The following TMEM178B variants were observed in gnomAD, a reference collection of about 807,000 sequenced individuals.
The protein encoded by TMEM178B is transmembrane protein 178B.
TMEM178B carries 5 observed loss-of-function variants against 31.0 expected under a neutral mutation model. That is an observed-to-expected ratio of 0.16 (90% CI 0.08 to 0.34). The LOEUF (loss-of-function observed/expected upper bound fraction) is 0.34. TMEM178B is among the 10% of genes least tolerant of loss of function. The probability of loss-of-function intolerance (pLI) is 1.00; values close to 1 mark genes in which losing one functional copy is unlikely to be tolerated. For synonymous variants in TMEM178B, 164 were observed against 164.0 expected, an observed-to-expected ratio of 1.00 and a Z score of 0.00; for missense variants, 275 against 400.3, an observed-to-expected ratio of 0.69 and a Z score of 2.67.
rs60507413 is a variant in TMEM178B, at chr7:141,384,291, C to A, written c.497-53317C>A. Among the ~76,000 whole-genome samples the A allele has an allele frequency of 7.1e-3, 1,079 of 152,260 alleles. 17 individuals are homozygous for A. Among genetic ancestry groups the A allele is most frequent in the African/African-American group, 0.023 (967 of 41,556 alleles). On this transcript the variant is annotated intron_variant, in intron 2 of 3. Coordinates refer to ENST00000565468, the MANE Select transcript of TMEM178B (RefSeq NM_001195278.2). ...TGGTGTTTTAGACATGAAGTCCTTG[C>A]CCACGCCTGTGTCCTGAATGGTATT...
intron 1 of TMEM178B, among the ~76,000 whole-genome samples, chr7:141,190,310 A>G (rs1162324822): frequency 6.6e-6 from 1 of 152,042 alleles, no homozygotes; most frequent in African/African-American, 2.4e-5. Flanking sequence ...TATCTCGTGT[A>G]ACTTTTGTTT....
intron 1 of TMEM178B, among the ~76,000 whole-genome samples, chr7:141,086,844 C>A (rs577089131): frequency 4.6e-5 from 7 of 152,220 alleles, no homozygotes; most frequent in Admixed American, 3.9e-4. Flanking sequence ...CCTGCCACCA[C>A]GCCCAGCTGA....
At chr7:141,419,556 A>G (rs1801162431) in intron 2 of TMEM178B, among the ~76,000 whole-genome samples, 1 of 152,208 alleles carries the variant, frequency 6.6e-6, no homozygotes, top group African/African-American at 2.4e-5. Context: ...TCTACTCTGC[A>G]GCCATGGTCA....
intron 1 of TMEM178B, among the ~76,000 whole-genome samples, chr7:141,122,457 C>T (rs1350184599): frequency 1.3e-5 from 2 of 152,188 alleles, no homozygotes; most frequent in African/African-American, 4.8e-5. Context: ...GCTTGTCAGT[C>T]TCAGAGCGTC....
At chr7:141,502,566 T>C in the TMEM178B span, among the ~76,000 whole-genome samples, 6 of 152,046 alleles carry the variant, frequency 3.9e-5, 1 homozygote, top group East Asian at 5.8e-4. Context: ...AGGTAGGGAG[T>C]TCGAGACCAG....
chr7:141,361,451 T>C (rs1799917970), intron 2 of TMEM178B, among the ~76,000 whole-genome samples: 1 of 152,258 alleles, frequency 6.6e-6, no homozygotes, highest in Admixed American at 6.5e-5. Context: ...CCTGGTTTGG[T>C]AAGATGTGTA....
intron 1 of TMEM178B, among the ~76,000 whole-genome samples, chr7:141,187,097 C>A (rs1261246818): frequency 9.0e-6 from 1 of 111,586 alleles, no homozygotes. Context: ...CCCCCTCCCC[C>A]CACCCCACAA....
In TMEM178B at chr7:141,206,055, CT is replaced by C. The variant is rs1340300433; in HGVS notation, c.383-6535del. 2.0e-5 allele frequency among the ~76,000 whole-genome samples: 3 copies of C among 152,196 alleles called. No homozygotes were observed. In the East Asian group the frequency reaches 5.8e-4, roughly 29 times the overall value. On this transcript the variant is annotated intron_variant, in intron 1 of 3. Transcript: ENST00000565468. The stretch of plus-strand genomic sequence containing the variant: ...TGCAAACATTTCAGTAATATTATTT[CT>C]GAGTTCCTGTGTTCATGTCCCCTTA...
intron 2 of TMEM178B, among the ~76,000 whole-genome samples, chr7:141,219,116 A>C (rs1319138003): frequency 6.6e-6 from 1 of 152,148 alleles, no homozygotes; most frequent in Non-Finnish European, 1.5e-5. Flanking sequence ...GGATCACTCG[A>C]CGTTTCCTCC....
intron 1 of TMEM178B, among the ~76,000 whole-genome samples, chr7:141,118,808 G>A (rs1485784594): frequency 2.0e-5 from 3 of 152,206 alleles, no homozygotes; most frequent in African/African-American, 7.2e-5. Context: ...TGAAGAAATC[G>A]TATGAAGGAA....
At chr7:141,493,912 T>C in the TMEM178B span, among the ~76,000 whole-genome samples, 1 of 152,190 alleles carries the variant, frequency 6.6e-6, no homozygotes, top group Admixed American at 6.5e-5. Flanking sequence ...ATTTCTCTGA[T>C]AAAAATTTCA....
chr7:141,432,908 C>T (rs969839225), intron 2 of TMEM178B, among the ~76,000 whole-genome samples: 14 of 152,200 alleles, frequency 9.2e-5, no homozygotes, highest in African/African-American at 3.4e-4. Context: ...CTGCTAGTGT[C>T]TGTAGGTCTT....
intron 2 of TMEM178B, among the ~76,000 whole-genome samples, chr7:141,252,356 G>GT (rs949262869): frequency 2.6e-5 from 4 of 152,168 alleles, no homozygotes; most frequent in Admixed American, 2.0e-4. Flanking sequence ...AGCCTCACAG[G>GT]TTCTGGAGTT....
intron 2 of TMEM178B, among the ~76,000 whole-genome samples, chr7:141,333,004 C>G (rs563552678): frequency 6.6e-6 from 1 of 152,300 alleles, no homozygotes; most frequent in African/African-American, 2.4e-5. Flanking sequence ...TTGGAATCCA[C>G]CATTTTGAGA....
intron 2 of TMEM178B, among the ~76,000 whole-genome samples, chr7:141,257,192 G>A (rs1396087529): frequency 3.9e-5 from 6 of 152,336 alleles, no homozygotes; most frequent in Middle Eastern, 6.8e-3. Flanking sequence ...CAAGAAAGAC[G>A]AAGTGCTCAA....
intron 2 of TMEM178B, among the ~76,000 whole-genome samples, chr7:141,293,934 C>T (rs1335202104): frequency 2.6e-5 from 4 of 152,158 alleles, no homozygotes; most frequent in Non-Finnish European, 5.9e-5. Flanking sequence ...GTTGTTATTT[C>T]CTTCTTAAGC....
chr7:141,473,672 G>A lies in TMEM178B; in HGVS notation c.*2886G>A, dbSNP rs1227713077. Reference sequence around the variant, plus strand: ...TAAACAACCTGGGCTCAACTCACCAGCCCAGAGCAGGGGCTTTGAGTGACT... The same window carrying A: ...TAAACAACCTGGGCTCAACTCACCAACCCAGAGCAGGGGCTTTGAGTGACT... On this transcript the variant is annotated 3_prime_UTR_variant, in exon 4 of 4. Transcript: ENST00000565468. 2 of 152,212 alleles carry A rather than the reference G, an allele frequency of 1.3e-5. No homozygotes were observed. The highest frequency in any genetic ancestry group is 2.4e-5 in the African/African-American group (1 of 41,442). The allele number at this position is 152,212 out of a possible 1,614,324, so 9.4% of individuals were successfully genotyped here.
chr7:141,266,888 A>G (rs181802668), intron 2 of TMEM178B, among the ~76,000 whole-genome samples: 4 of 152,360 alleles, frequency 2.6e-5, no homozygotes, highest in Non-Finnish European at 5.9e-5. Flanking sequence ...TGCTCTTACT[A>G]CAGTTGAATT....
At position 141,472,666 on chromosome 7, in the gene TMEM178B, T is replaced by G. The variant is rs894121137; in HGVS notation, c.*1880T>G. ...AGGCACTCAGCAGCCTTTCTTCCACTGCTGTGTAATCTGTTTCATTTACAC... is the reference window on the plus strand; with the variant it reads ...AGGCACTCAGCAGCCTTTCTTCCACGGCTGTGTAATCTGTTTCATTTACAC... On this transcript the variant is annotated 3_prime_UTR_variant, in exon 4 of 4. Coordinates refer to ENST00000565468, the MANE Select transcript of TMEM178B (RefSeq NM_001195278.2). The G allele has an allele frequency of 7.2e-5, 11 of 152,248 alleles. No homozygotes were observed. Among genetic ancestry groups the G allele is most frequent in the Non-Finnish European group, 1.6e-4 (11 of 68,066 alleles). The allele number at this position is 152,248 out of a possible 1,614,324, so 9.4% of individuals were successfully genotyped here. A position where few individuals can be genotyped will look rare whatever the true frequency, so the allele number is the denominator to read the frequency against.
Sources: gnomAD v4.1 joint callset for allele counts (sites outside exome capture counted in the v4.1 genomes callset) on GRCh38, gnomAD v4.1.1 for gene constraint, MANE v1.5 for transcripts, NCBI Gene and HGNC (gene_info 2026-07-23, HGNC 2026-07-21) for gene names.